Variants in PPP2R3B observed in about 807,000 individuals in gnomAD.
PPP2R3B encodes the protein serine/threonine-protein phosphatase 2A regulatory subunit B'' subunit beta.
Under a neutral mutation model 72.9 loss-of-function variants are expected in PPP2R3B, and 68 were observed. The observed-to-expected ratio is 0.93, with a 90% CI of 0.77 to 1.14. PPP2R3B has a LOEUF of 1.14. Ranked by LOEUF, PPP2R3B falls within the 50% of genes most tolerant of loss-of-function variation. The pLI is 0.00. For synonymous variants in PPP2R3B, 466 were observed against 375.8 expected (o/e 1.24, Z -2.78); for missense variants, 1,018 against 842.0 (o/e 1.21, Z -2.59).
intron 7 of PPP2R3B, chrX:345,306 C>T (rs1187056976): frequency 1.4e-5 from 11 of 758,830 alleles, no homozygotes; most frequent in South Asian, 8.8e-5. Flanking sequence ...GCAGAGGCCT[C>T]GGGCAGAGGC....
At chrX:352,495 A>G (rs943149371) in intron 2 of PPP2R3B, among the ~76,000 whole-genome samples, 3 of 91,776 alleles carry the variant, frequency 3.3e-5, no homozygotes, top group African/African-American at 1.3e-4. Flanking sequence ...CGCTCAGCAC[A>G]TGCGTGTGGG....
At position 361,447 on chromosome X, in the gene PPP2R3B, G is replaced by A. The variant is rs267606423; in HGVS notation, c.468C>T (p.Pro156=). The A allele has an allele frequency of 1.9e-6, 3 of 1,613,968 alleles. No homozygotes were observed. Among genetic ancestry groups the A allele is most frequent in the Non-Finnish European group, 2.5e-6 (3 of 1,179,848 alleles). The part of the protein sequence containing the change: ...SKIESTFARF[P]HERATMDDMG... ...TGTCATCCATGGTGGCCCTCTCGTGGGGGAACCGGGCGAAGGTGCTCTCGA... is the reference window on the plus strand; with the variant it reads ...TGTCATCCATGGTGGCCCTCTCGTGAGGGAACCGGGCGAAGGTGCTCTCGA... Residue 156 remains proline (P), a synonymous_variant, in exon 2 of 13, where the codon CCC becomes CCT. Coordinates refer to ENST00000390665, the MANE Select transcript of PPP2R3B (RefSeq NM_013239.5).
Position 346,411 on chromosome X carries a change from G to C in PPP2R3B, c.793-151C>G, listed in dbSNP as rs928182984. On this transcript the variant is annotated intron_variant, in intron 5 of 12. Coordinates refer to ENST00000390665, the MANE Select transcript of PPP2R3B (RefSeq NM_013239.5). ...GCGGGGGCAGAGGGAAGGGCCCTGC[G>C]GGAGGCGCCGCCCCAGGCCGCGGAA... The C allele has an allele frequency of 4.0e-5, 30 of 743,852 alleles. No individual in the cohort carries two copies. The Admixed American group carries it at 8.7e-4, about 22-fold the overall frequency. The allele number at this position is 743,852 out of a possible 1,614,324, so 46.1% of individuals were successfully genotyped here.
intron 1 of PPP2R3B, among the ~76,000 whole-genome samples, chrX:369,559 G>A (rs2071809616): frequency 6.6e-6 from 1 of 152,218 alleles, no homozygotes; most frequent in Admixed American, 6.5e-5. Context: ...GCCTGTTTTT[G>A]CGTAGAAGTG....
In PPP2R3B at chrX:334,194, G is replaced by A. The variant is rs2070821060; in HGVS notation, c.*173C>T. ...ACGTGTCCCCCTGGCACAGAGCTCTGGGCAGGTCCAGCCACGAACCCACAG... is the reference window on the plus strand; with the variant it reads ...ACGTGTCCCCCTGGCACAGAGCTCTAGGCAGGTCCAGCCACGAACCCACAG... On this transcript the variant is annotated 3_prime_UTR_variant, in exon 13 of 13. Coordinates refer to ENST00000390665, the MANE Select transcript of PPP2R3B (RefSeq NM_013239.5). 3 of 738,964 alleles carry A rather than the reference G, an allele frequency of 4.1e-6. No homozygotes were observed. Among genetic ancestry groups the A allele is most frequent in the Non-Finnish European group, 5.9e-6 (3 of 507,072 alleles). The allele number at this position is 738,964 out of a possible 1,614,324, so 45.8% of individuals were successfully genotyped here.
rs185411625 is a variant in PPP2R3B, at chrX:369,281, G to A, written c.325-7691C>T. 4.9e-3 allele frequency among the ~76,000 whole-genome samples: 742 copies of A among 152,286 alleles called. 9 individuals carry two copies. The highest frequency in any genetic ancestry group is 0.017 in the African/African-American group (695 of 41,564). ...CAGACAAACCAGAGGGGCCTGTGGC[G>A]GCCAGGTCATCCACTTTAAATCCTC... On this transcript the variant is annotated intron_variant, in intron 1 of 12. Transcript: ENST00000390665.
intron 2 of PPP2R3B, among the ~76,000 whole-genome samples, chrX:352,491 G>T (rs889049414): frequency 3.1e-5 from 3 of 96,040 alleles, no homozygotes; most frequent in African/African-American, 1.3e-4. Flanking sequence ...CCCTCGCTCA[G>T]CACATGCGTG....
At position 338,783 on chromosome X, in the gene PPP2R3B, G is replaced by A; in HGVS notation, c.1465C>T (p.Leu489Phe). The change falls in exon 11 of 13, where the codon CTC (leucine) becomes TTC (phenylalanine). Residue 489 changes from leucine to phenylalanine, a missense_variant. Leu to Phe is a conservative substitution (Grantham distance 22, BLOSUM62 0). Transcript: ENST00000390665. ...DHEQKEQISL[L>F]RDGDSGGPEL... ...CGCGTGCCCGCCGCACTCACCCTGA[G>A]CAGGGAGATCTGCTCTTTCTGCTCG... The A allele has an allele frequency of 1.9e-6, 3 of 1,612,408 alleles. No homozygotes were observed. The highest frequency in any genetic ancestry group is 2.2e-5 in the East Asian group (1 of 44,874).
chrX:350,440 G>A (rs1289326633), intron 2 of PPP2R3B, among the ~76,000 whole-genome samples: 1 of 152,210 alleles, frequency 6.6e-6, no homozygotes, highest in Admixed American at 6.5e-5. Context: ...CACCATGACA[G>A]GACATGACAC....
At chrX:336,241 C>A (rs1254935541) in intron 12 of PPP2R3B, 2 of 152,184 alleles carry the variant, frequency 1.3e-5, no homozygotes, top group African/African-American at 4.8e-5. Flanking sequence ...ACACATGACT[C>A]GGCAAGATCT....
In PPP2R3B at chrX:364,068, G is replaced by T. The variant is rs146112938; in HGVS notation, c.325-2478C>A. On this transcript the variant is annotated intron_variant, in intron 1 of 12. Transcript: ENST00000390665. ...GGGGAAGCCCGTGGAGCCTGAACAGGCTCTGCCTTCAGAAGCGTGGGCCGA... is the reference window on the plus strand; with the variant it reads ...GGGGAAGCCCGTGGAGCCTGAACAGTCTCTGCCTTCAGAAGCGTGGGCCGA... 9.8e-4 allele frequency among the ~76,000 whole-genome samples: 150 copies of T among 152,370 alleles called. 2 individuals are homozygous for T. The East Asian group carries it at 0.028, about 28-fold the overall frequency.
At chrX:378,877 T>C (rs968058112) in intron 1 of PPP2R3B, among the ~76,000 whole-genome samples, 27 of 152,172 alleles carry the variant, frequency 1.8e-4, no homozygotes, top group African/African-American at 6.3e-4. Flanking sequence ...GTACAAAAGC[T>C]ACAGTCCCTG....
intron 10 of PPP2R3B, among the ~76,000 whole-genome samples, chrX:340,373 G>A (rs1045092907): frequency 6.6e-6 from 1 of 151,526 alleles, no homozygotes; most frequent in Non-Finnish European, 1.5e-5. Flanking sequence ...TGTGAGACTA[G>A]GCACCTGTGG....
At chrX:363,353 G>A (rs1489109780) in intron 1 of PPP2R3B, among the ~76,000 whole-genome samples, 590 of 23,534 alleles carry the variant, frequency 0.025, 58 homozygotes, top group African/African-American at 0.064. Flanking sequence ...CCATCCCGCA[G>A]TGCATCTCTC....
At chrX:384,715 T>G (rs911245710) in intron 1 of PPP2R3B, among the ~76,000 whole-genome samples, 15 of 152,058 alleles carry the variant, frequency 9.9e-5, no homozygotes, top group African/African-American at 3.6e-4. Context: ...CCAGGTGTGG[T>G]GGCTCACGCC....
In PPP2R3B at chrX:334,448, G is replaced by A. The variant is rs1240157854; in HGVS notation, c.1647C>T (p.Pro549=). 1.3e-6 allele frequency: 2 copies of A among 1,595,932 alleles called. No homozygotes were observed. Among genetic ancestry groups the A allele is most frequent in the African/African-American group, 1.3e-5 (1 of 74,112 alleles). Residue 549 remains proline (P), a synonymous_variant, in exon 13 of 13, where the codon CCC becomes CCT. Transcript: ENST00000390665. Reference sequence around the variant, plus strand: ...CCAGCGGTGAGGGCGCCTCGAAGAAGGGCCTCTGGGCCAGCGGGGAGCGCA... The same window carrying A: ...CCAGCGGTGAGGGCGCCTCGAAGAAAGGCCTCTGGGCCAGCGGGGAGCGCA... ...SALRSPLAQR[P]FFEAPSPLGA...
chrX:348,063 AG>A (rs2071260565), intron 2 of PPP2R3B, among the ~76,000 whole-genome samples: 1 of 152,162 alleles, frequency 6.6e-6, no homozygotes, highest in Non-Finnish European at 1.5e-5. Flanking sequence ...GGACGGCGAC[AG>A]AAACATCTCA....
chrX:354,495 C>T (rs1028986268), intron 2 of PPP2R3B, among the ~76,000 whole-genome samples: 56 of 152,378 alleles, frequency 3.7e-4, no homozygotes, highest in Admixed American at 3.5e-3. Context: ...CCTCTCAATA[C>T]ACGCAGAAAT....
chrX:345,348 T>C lies in PPP2R3B; in HGVS notation c.1036+168A>G, dbSNP rs1486373434. ...GGGGACCCAGACACGGGGCAGCGAC[T>C]GGGGAAGGAGAGGCAGCTGCAGACA... On this transcript the variant is annotated intron_variant, in intron 7 of 12. Coordinates refer to ENST00000390665, the MANE Select transcript of PPP2R3B (RefSeq NM_013239.5). 1.8e-5 allele frequency: 18 copies of C among 975,432 alleles called. No individual in the cohort carries two copies. The East Asian group carries it at 4.4e-4, about 24-fold the overall frequency. 60.4% of individuals were successfully genotyped at this position (975,432 alleles called of 1,614,324 possible).
Sources: allele counts gnomAD v4.1 joint callset (sites outside exome capture counted in the v4.1 genomes callset), GRCh38; gene constraint gnomAD v4.1.1; transcripts MANE v1.5; gene names NCBI Gene and HGNC (gene_info 2026-07-23, HGNC 2026-07-21).